Variants in TG observed in about 807,000 individuals in gnomAD.
TG encodes thyroglobulin.
In TG, 270 loss-of-function variants were observed where a neutral mutation model predicts 324.7. The ratio of observed to expected loss-of-function variants is 0.83; its 90% CI spans 0.75 to 0.92. TG has a LOEUF of 0.92. TG is among the 40% of genes least tolerant of loss of function. The pLI is 0.00. For synonymous variants in TG, 1,401 were observed against 1,327.0 expected, an observed-to-expected ratio of 1.06 and a Z score of -1.21; for missense variants, 3,591 against 3,456.4, an observed-to-expected ratio of 1.04 and a Z score of -0.98.
chr8:132,881,209 C>A (rs1457963919), intron 5 of TG, among the ~76,000 whole-genome samples: 2 of 152,130 alleles, frequency 1.3e-5, no homozygotes, highest in Non-Finnish European at 2.9e-5. Flanking sequence ...GAAAGGGAAC[C>A]CAGTTGATGA....
intron 41 of TG, among the ~76,000 whole-genome samples, chr8:133,042,590 G>T (rs1838463351): frequency 6.8e-6 from 1 of 146,044 alleles, no homozygotes; most frequent in South Asian, 2.2e-4. Context: ...CAAGTAATTT[G>T]CCTAAAGGCA....
intron 45 of TG, among the ~76,000 whole-genome samples, chr8:133,124,594 G>A (rs58304843): frequency 0.089 from 13,576 of 152,106 alleles, 2,063 homozygotes; most frequent in African/African-American, 0.31. Context: ...TATCTACTTC[G>A]TAGTATGAAT....
chr8:133,007,219 G>A (rs1411614329), intron 35 of TG, among the ~76,000 whole-genome samples: 1 of 152,122 alleles, frequency 6.6e-6, no homozygotes, highest in East Asian at 1.9e-4. Flanking sequence ...CATGGGACTG[G>A]AGTGGCGCTG....
At chr8:133,088,776 CTGGG>C (rs1468525417) in intron 41 of TG, among the ~76,000 whole-genome samples, 1 of 152,104 alleles carries the variant, frequency 6.6e-6, no homozygotes, top group Non-Finnish European at 1.5e-5. Context: ...TGCCCTAAGA[CTGGG>C]ATTTCAAGAC....
intron 41 of TG, chr8:133,049,513 TGC>T (rs1840034221): frequency 3.5e-6 from 1 of 289,456 alleles, no homozygotes; most frequent in Non-Finnish European, 6.8e-6. Flanking sequence ...AGGGAACTGA[TGC>T]ATAAAAAGCT....
intron 20 of TG, among the ~76,000 whole-genome samples, chr8:132,913,957 CTTGAGG>C (rs1819916389): frequency 6.6e-6 from 1 of 152,214 alleles, no homozygotes; most frequent in South Asian, 2.1e-4. Context: ...TTTCCACTTT[CTTGAGG>C]TTGTCTATAT....
chr8:132,898,152 C>T lies in TG; in HGVS notation c.3140-17C>T, dbSNP rs1383429270. On this transcript the variant is annotated splice_polypyrimidine_tract_variant and intron_variant, in intron 12 of 47. Coordinates refer to ENST00000220616, the MANE Select transcript of TG (RefSeq NM_003235.5). ...CTAGTGCAATTCCTGAATGTTCTCCCCTTGGCTCTTTTCCAGGGCACTGCT... is the reference window on the plus strand; with the variant it reads ...CTAGTGCAATTCCTGAATGTTCTCCTCTTGGCTCTTTTCCAGGGCACTGCT... The T allele has an allele frequency of 1.3e-6, 2 of 1,589,914 alleles. No homozygotes were observed. Among genetic ancestry groups the T allele is most frequent in the Non-Finnish European group, 1.7e-6 (2 of 1,166,628 alleles).
chr8:132,872,642 C>T lies in TG; in HGVS notation c.479-420C>T, dbSNP rs188125006. On this transcript the variant is annotated intron_variant, in intron 4 of 47. Coordinates refer to ENST00000220616, the MANE Select transcript of TG (RefSeq NM_003235.5). ...TGGCTTTCACACTCACTCACTGACTCACCCGGAGCAACTGCCAGTCCTGCA... is the reference window on the plus strand; with the variant it reads ...TGGCTTTCACACTCACTCACTGACTTACCCGGAGCAACTGCCAGTCCTGCA... Among the ~76,000 whole-genome samples, 160 of 152,210 alleles carry T rather than the reference C, an allele frequency of 1.1e-3. 1 individual carries two copies. The highest frequency in any genetic ancestry group is 3.8e-3 in the African/African-American group (158 of 41,524).
intron 35 of TG, among the ~76,000 whole-genome samples, chr8:133,003,424 T>TG (rs1319618154): frequency 1.3e-5 from 2 of 152,008 alleles, no homozygotes; most frequent in Non-Finnish European, 2.9e-5. Flanking sequence ...TTTTTTTTTT[T>TG]TGTGGTGAGA....
At position 132,888,464 on chromosome 8, in the gene TG, TCAG is replaced by T; in HGVS notation, c.2660_2662del (p.Ser887del). 1 of 1,611,424 alleles carries T rather than the reference TCAG, an allele frequency of 6.2e-7. No individual in the cohort carries two copies. Among genetic ancestry groups the T allele is most frequent in the Non-Finnish European group, 8.5e-7 (1 of 1,178,492 alleles). On this transcript the variant is annotated inframe_deletion, in exon 10 of 48. Coordinates refer to ENST00000220616, the MANE Select transcript of TG (RefSeq NM_003235.5). ...CAATACCCGGGGTCCTACTCAGACT[TCAG>T]CACTCCTTTGGCACATTTTGATCTT...
In TG at chr8:133,095,070, C is replaced by A; in HGVS notation, c.7266C>A (p.Ala2422=). 1 of 1,613,986 alleles carries A rather than the reference C, an allele frequency of 6.2e-7. No homozygotes were observed. Among genetic ancestry groups the A allele is most frequent in the Non-Finnish European group, 8.5e-7 (1 of 1,180,022 alleles). The change falls in exon 42 of 48, where the codon GCC becomes GCA. Residue 2422 remains alanine (A), a synonymous_variant. Transcript: ENST00000220616. Reference sequence around the variant, plus strand: ...GAGGCTCCGCACTCTCCCCGGCCGCCGTCATCAGCCATGAGAGGGCTCAGC... The same window carrying A: ...GAGGCTCCGCACTCTCCCCGGCCGCAGTCATCAGCCATGAGAGGGCTCAGC... ...LMGGSALSPA[A]VISHERAQQQ...
chr8:132,958,534 A>G (rs1827268913), intron 27 of TG, among the ~76,000 whole-genome samples: 1 of 152,178 alleles, frequency 6.6e-6, no homozygotes, highest in African/African-American at 2.4e-5. Context: ...CCTGGCCAAC[A>G]TGGTGAAACC....
intron 44 of TG, 23 bp from the exon 45 acceptor site, chr8:133,116,586 C>T (rs1564207604): frequency 6.9e-6 from 11 of 1,599,324 alleles, no homozygotes; most frequent in Admixed American, 1.7e-5. Flanking sequence ...AACCAGACTC[C>T]CCCCATGTTC....
chr8:132,923,037 C>A lies in TG; in HGVS notation c.4529-301C>A, dbSNP rs769601072. ...GGGGGAGCTGTGGGCCAGAAGAGGG[C>A]CCAGATGAGTAAAGCTTGTGTTGGA... On this transcript the variant is annotated intron_variant, in intron 21 of 47. Transcript: ENST00000220616. Among the ~76,000 whole-genome samples, 6 of 152,030 alleles carry A rather than the reference C, an allele frequency of 3.9e-5. 1 individual carries two copies. The highest frequency in any genetic ancestry group is 1.3e-4 in the Admixed American group (2 of 15,268).
intron 16 of TG, among the ~76,000 whole-genome samples, chr8:132,904,338 T>G (rs1336944042): frequency 1.3e-5 from 2 of 152,226 alleles, no homozygotes; most frequent in African/African-American, 4.8e-5. Flanking sequence ...GGCGAGCCAC[T>G]TAGCTCCCTT....
At chr8:132,870,634 ATG>A (rs1587163313) in intron 3 of TG, among the ~76,000 whole-genome samples, 1 of 151,916 alleles carries the variant, frequency 6.6e-6, no homozygotes, top group African/African-American at 2.4e-5. Flanking sequence ...AAGAAAAGAG[ATG>A]TGTTTGGCTC....
intron 22 of TG, among the ~76,000 whole-genome samples, chr8:132,924,584 G>T (rs1821562177): frequency 1.3e-5 from 2 of 152,196 alleles, no homozygotes; most frequent in South Asian, 4.1e-4. Context: ...GTGAGATACT[G>T]GATGGGAAAG....
rs1211979149 is a variant in TG, at chr8:132,983,440, G to A, written c.6262+28G>A. The stretch of plus-strand genomic sequence containing the variant: ...AAGTTCATTGTCTTTTTATCTCTTG[G>A]ATGAGAGTACCCCCTCATTCATCTT... On this transcript the variant is annotated intron_variant, in intron 35 of 47. Transcript: ENST00000220616. The A allele has an allele frequency of 1.1e-5, 17 of 1,596,022 alleles. No homozygotes were observed. In the East Asian group the frequency reaches 3.1e-4, roughly 29 times the overall value.
intron 35 of TG, among the ~76,000 whole-genome samples, chr8:133,003,577 A>G (rs530617008): frequency 6.6e-6 from 1 of 152,342 alleles, no homozygotes; most frequent in Admixed American, 6.5e-5. Context: ...ATAAATATGT[A>G]TAATTATAAT....
Sources: gnomAD v4.1 joint callset for allele counts (sites outside exome capture counted in the v4.1 genomes callset) on GRCh38, gnomAD v4.1.1 for gene constraint, MANE v1.5 for transcripts, NCBI Gene and HGNC (gene_info 2026-07-23, HGNC 2026-07-21) for gene names.